Variants in DIPK1C observed in about 807,000 individuals in gnomAD.
DIPK1C encodes divergent protein kinase domain 1C.
In DIPK1C, 33 loss-of-function variants were observed where a neutral mutation model predicts 28.0. The ratio of observed to expected loss-of-function variants is 1.18; its 90% CI spans 0.89 to 1.58. The LOEUF (loss-of-function observed/expected upper bound fraction) is 1.58, where lower values mean the gene tolerates loss of function less well. Among genes scored for constraint, DIPK1C ranks in the 40% most tolerant of loss-of-function variants. The pLI is 0.00. For synonymous variants in DIPK1C, 255 were observed against 248.8 expected (o/e 1.02, Z -0.23); for missense variants, 569 against 568.5 (o/e 1.00, Z -0.01).
chr18:74,456,984 G>C, intron 1 of DIPK1C, 78 bp downstream of exon 1: 1 of 1,295,860 alleles, frequency 7.7e-7, no homozygotes, highest in South Asian at 1.8e-5. Flanking sequence ...AAGTCCCCGG[G>C]AAGGCTGGGG....
At chr18:74,449,568 G>T (rs1468852773) in intron 1 of DIPK1C, among the ~76,000 whole-genome samples, 1 of 152,200 alleles carries the variant, frequency 6.6e-6, no homozygotes, top group Non-Finnish European at 1.5e-5. Flanking sequence ...TGCTGCGGGG[G>T]TGCTCCTGCC....
chr18:74,449,110 A>G (rs958206861), intron 1 of DIPK1C, among the ~76,000 whole-genome samples: 1 of 150,820 alleles, frequency 6.6e-6, no homozygotes, highest in Non-Finnish European at 1.5e-5. Flanking sequence ...ATCTGTCTCA[A>G]AAAAAAAAAT....
intron 1 of DIPK1C, among the ~76,000 whole-genome samples, chr18:74,449,038 G>A (rs966034396): frequency 4.6e-5 from 7 of 152,138 alleles, no homozygotes; most frequent in African/African-American, 1.4e-4. Flanking sequence ...GAAACCGGGA[G>A]GCGCAGGTTG....
At chr18:74,464,346 C>G in the DIPK1C span, among the ~76,000 whole-genome samples, 1 of 152,222 alleles carries the variant, frequency 6.6e-6, no homozygotes, top group Non-Finnish European at 1.5e-5. Flanking sequence ...CTCTCACACC[C>G]AACACCAGAT....
At chr18:74,450,100 T>C (rs953307754) in intron 1 of DIPK1C, among the ~76,000 whole-genome samples, 4 of 152,062 alleles carry the variant, frequency 2.6e-5, no homozygotes, top group Non-Finnish European at 5.9e-5. Flanking sequence ...AGCAAGAAGA[T>C]ATAGATGGCA....
Position 74,447,359 on chromosome 18 carries a change from G to T in DIPK1C, c.199-76C>A. ...GTCTCTCGGCTCGGGTTAGGGAAGG[G>T]GACAGCCTAGCCTCTGCCCTCAGGA... On this transcript the variant is annotated intron_variant, in intron 1 of 3. Transcript: ENST00000343998. The surrounding 1 kb of genome is among the most constrained non-coding windows in gnomAD (Gnocchi z 4.1). 3.6e-6 allele frequency: 5 copies of T among 1,382,616 alleles called. No homozygotes were observed. The South Asian group carries it at 7.2e-5, about 20-fold the overall frequency. 85.6% of individuals were successfully genotyped at this position (1,382,616 alleles called of 1,614,324 possible). A position where few individuals can be genotyped will look rare whatever the true frequency, so the allele number is the denominator to read the frequency against.
chr18:74,441,733 C>T (rs575134318), intron 3 of DIPK1C, among the ~76,000 whole-genome samples: 1 of 152,286 alleles, frequency 6.6e-6, no homozygotes, highest in East Asian at 1.9e-4. Context: ...GGAACTCCCT[C>T]ATCAGATGCC....
rs1038581424 is a variant in DIPK1C at position 74,447,903 on chromosome 18, T to C, written c.199-620A>G. ...GACACATGAGTGGGCACAGGGCTCA[T>C]GGCTGGTGACCTGGAGAAGAGGAGG... is the stretch of plus-strand genomic sequence containing the variant. On this transcript the variant is annotated intron_variant, in intron 1 of 3. Transcript: ENST00000343998. This position sits in a 1 kb window ranked among gnomAD's most constrained non-coding sequence, Gnocchi z 4.1. Among the ~76,000 whole-genome samples, 1 of 152,160 alleles carries C rather than the reference T, an allele frequency of 6.6e-6. No individual in the cohort carries two copies. The highest frequency in any genetic ancestry group is 1.5e-5 in the Non-Finnish European group (1 of 68,022).
chr18:74,439,456 A>G (rs142593988), intron 3 of DIPK1C, among the ~76,000 whole-genome samples: 8 of 152,256 alleles, frequency 5.3e-5, no homozygotes, highest in Non-Finnish European at 1.0e-4. Flanking sequence ...GACAGTTTTT[A>G]TTCCATTTCA....
At chr18:74,449,842 T>C (rs1009099362) in intron 1 of DIPK1C, among the ~76,000 whole-genome samples, 20 of 152,234 alleles carry the variant, frequency 1.3e-4, no homozygotes, top group African/African-American at 3.6e-4. Context: ...CATCTTGGAA[T>C]TGAACTCAAC....
At chr18:74,455,121 A>C (rs1041114733) in intron 1 of DIPK1C, among the ~76,000 whole-genome samples, 1 of 152,166 alleles carries the variant, frequency 6.6e-6, no homozygotes, top group Non-Finnish European at 1.5e-5. Context: ...ATGATTCCAT[A>C]TGGCTGCCAT....
chr18:74,449,224 A>T (rs1986342494), intron 1 of DIPK1C, among the ~76,000 whole-genome samples: 1 of 152,178 alleles, frequency 6.6e-6, no homozygotes, highest in Non-Finnish European at 1.5e-5. Context: ...TTGTATCTAT[A>T]TGTGTTTGAC....
chr18:74,443,154 G>A (rs976756820), intron 2 of DIPK1C, among the ~76,000 whole-genome samples: 1 of 152,232 alleles, frequency 6.6e-6, no homozygotes, highest in Non-Finnish European at 1.5e-5. Context: ...TGGAACTTCA[G>A]ATTTATCTCC....
intron 2 of DIPK1C, among the ~76,000 whole-genome samples, 197 bp from the exon 3 acceptor site, chr18:74,442,313 A>ATTTTCT (rs1175326582): frequency 6.6e-6 from 1 of 151,258 alleles, no homozygotes; most frequent in Non-Finnish European, 1.5e-5. Context: ...GTCTGCATGC[A>ATTTTCT]TTTTCTTTTT....
At chr18:74,457,030 G>T (rs1232383422) in intron 1 of DIPK1C, 32 bp downstream of exon 1, 59 of 1,392,864 alleles carry the variant, frequency 4.2e-5, no homozygotes, top group Non-Finnish European at 4.9e-5. Flanking sequence ...CCCCGGACGC[G>T]CGGCGCGGGG....
chr18:74,450,221 G>C (rs1324614847), intron 1 of DIPK1C, among the ~76,000 whole-genome samples: 1 of 152,022 alleles, frequency 6.6e-6, no homozygotes, highest in Non-Finnish European at 1.5e-5. Context: ...AAAAAAAATT[G>C]TTTCCTGATC....
At chr18:74,443,854 G>T (rs1437044918) in intron 2 of DIPK1C, among the ~76,000 whole-genome samples, 1 of 151,882 alleles carries the variant, frequency 6.6e-6, no homozygotes, top group Non-Finnish European at 1.5e-5. Context: ...GGTTTCTGCC[G>T]ATCTCCCCAG....
chr18:74,437,529 A>C (rs559178073), intron 3 of DIPK1C, among the ~76,000 whole-genome samples: 10 of 152,328 alleles, frequency 6.6e-5, no homozygotes, highest in African/African-American at 2.2e-4. Context: ...ATTTCTCTAC[A>C]TCACACTTTA....
At position 74,443,217 on chromosome 18, in the gene DIPK1C, T is replaced by G. The variant is rs181053726; in HGVS notation, c.877-1101A>C. 2.6e-3 allele frequency among the ~76,000 whole-genome samples: 397 copies of G among 152,240 alleles called. 3 individuals are homozygous for G. The highest frequency in any genetic ancestry group is 4.5e-3 in the Non-Finnish European group (307 of 68,008). On this transcript the variant is annotated intron_variant, in intron 2 of 3. Transcript: ENST00000343998. ...ACCAGAGAGAGAATAACTTCTAAAT[T>G]ATGCAGCTCTTCCTCCGCCACCTGG...
Sources: allele counts gnomAD v4.1 joint callset (sites outside exome capture counted in the v4.1 genomes callset), GRCh38; gene constraint gnomAD v4.1.1; non-coding constraint Gnocchi (gnomAD v3.1); transcripts MANE v1.5; gene names NCBI Gene and HGNC (gene_info 2026-07-23, HGNC 2026-07-21).